The following MCF2L2 variants were observed in gnomAD, a reference collection of about 807,000 sequenced individuals.
The protein encoded by MCF2L2 is MCF.2 cell line derived transforming sequence-like 2, also known as probable guanine nucleotide exchange factor MCF2L2.
A neutral mutation model predicts 150.2 loss-of-function variants in MCF2L2; 102 were observed. The ratio of observed to expected loss-of-function variants is 0.68; its 90% CI spans 0.58 to 0.80. MCF2L2 has a LOEUF of 0.80. MCF2L2 is among the 30% of genes least tolerant of loss of function. The pLI, the probability that MCF2L2 is intolerant of heterozygous loss-of-function variation, is 0.00. For missense variants in MCF2L2, 1,256 were observed against 1,372.8 expected (o/e 0.91, Z 1.34); for synonymous variants, 465 against 491.3 (o/e 0.95, Z 0.71).
rs1716200367 is a variant in MCF2L2, at chr3:183,427,086, T to C, written c.76+816A>G. 2.0e-5 allele frequency among the ~76,000 whole-genome samples: 3 copies of C among 152,114 alleles called. No individual in the cohort carries two copies. The South Asian group carries it at 6.2e-4, about 31-fold the overall frequency. ...CAAGCACAGTCAGCAACAGAGAAAA[T>C]GATCCCGATAATTCCAGTTGCCCAC... On this transcript the variant is annotated intron_variant, in intron 1 of 29. Transcript: ENST00000328913.
intron 3 of MCF2L2, among the ~76,000 whole-genome samples, chr3:183,342,747 T>G (rs895126537): frequency 1.3e-5 from 2 of 152,006 alleles, no homozygotes; most frequent in African/African-American, 4.8e-5. Context: ...GCACTATTAT[T>G]CTTTCTTTCT....
intron 15 of MCF2L2, among the ~76,000 whole-genome samples, chr3:183,250,698 T>C (rs972380658): frequency 5.3e-5 from 8 of 150,440 alleles, no homozygotes; most frequent in Non-Finnish European, 7.4e-5. Flanking sequence ...AGGCTGCGTG[T>C]GGTGGGAGGT....
intron 15 of MCF2L2, among the ~76,000 whole-genome samples, chr3:183,239,548 G>T (rs966050258): frequency 1.3e-5 from 2 of 151,684 alleles, no homozygotes; most frequent in Non-Finnish European, 2.9e-5. Context: ...GCCCTCCTCT[G>T]CTCCCCCTTT....
At chr3:183,345,060 C>T (rs1560031830) in intron 3 of MCF2L2, among the ~76,000 whole-genome samples, 1 of 152,148 alleles carries the variant, frequency 6.6e-6, no homozygotes, top group Non-Finnish European at 1.5e-5. Context: ...AGCTCTGGAC[C>T]AAGCAGACCT....
At position 183,338,501 on chromosome 3, in the gene MCF2L2, C is replaced by T. The variant is rs920939001; in HGVS notation, c.486+299G>A. Among the ~76,000 whole-genome samples the T allele has an allele frequency of 6.1e-4, 92 of 151,684 alleles. 1 individual carries two copies. Among genetic ancestry groups the T allele is most frequent in the African/African-American group, 1.9e-3 (80 of 41,418 alleles). ...AAAGAAAACCTTCCCTGGATCCCCACTGTCTACTGAATAAAATCCAAAACC... is the reference window on the plus strand; with the variant it reads ...AAAGAAAACCTTCCCTGGATCCCCATTGTCTACTGAATAAAATCCAAAACC... On this transcript the variant is annotated intron_variant, in intron 5 of 29. Coordinates refer to ENST00000328913, the MANE Select transcript of MCF2L2 (RefSeq NM_015078.4).
At position 183,179,000 on chromosome 3, in the gene MCF2L2, G is replaced by A. The variant is rs1721412054; in HGVS notation, c.*380C>T. The A allele has an allele frequency of 5.5e-6, 1 of 183,184 alleles. No individual in the cohort carries two copies. Among genetic ancestry groups the A allele is most frequent in the Admixed American group, 6.2e-5 (1 of 16,144 alleles). The allele number at this position is 183,184 out of a possible 1,614,324, so 11.3% of individuals were successfully genotyped here. On this transcript the variant is annotated 3_prime_UTR_variant, in exon 30 of 30. Coordinates refer to ENST00000328913, the MANE Select transcript of MCF2L2 (RefSeq NM_015078.4). The stretch of plus-strand genomic sequence containing the variant: ...ACGATTTGGGGGCGGGGTGGAGGAT[G>A]GGGTGGCGCATTCCTGGCACCTAGT...
chr3:183,186,284 C>A (rs1264796987), intron 27 of MCF2L2, among the ~76,000 whole-genome samples: 3 of 152,086 alleles, frequency 2.0e-5, no homozygotes, highest in Non-Finnish European at 4.4e-5. Context: ...TGCAATGGGG[C>A]CTTACTCTTG....
intron 10 of MCF2L2, among the ~76,000 whole-genome samples, chr3:183,301,724 A>G (rs111279836): frequency 0.075 from 11,386 of 151,404 alleles, 1,075 homozygotes; most frequent in African/African-American, 0.22. Flanking sequence ...GAACCTGGGA[A>G]GAGGAGGTTG....
At chr3:183,381,501 G>T (rs1007434565) in intron 2 of MCF2L2, among the ~76,000 whole-genome samples, 8 of 152,194 alleles carry the variant, frequency 5.3e-5, no homozygotes, top group Non-Finnish European at 1.2e-4. Flanking sequence ...CAAGTAAATT[G>T]TAAACTTGTT....
intron 13 of MCF2L2, among the ~76,000 whole-genome samples, chr3:183,294,773 T>G (rs1423577793): frequency 6.6e-6 from 1 of 151,476 alleles, no homozygotes; most frequent in Non-Finnish European, 1.5e-5. Flanking sequence ...GGACTACAGG[T>G]GCCCACCACC....
At chr3:183,387,276 A>C (rs1206420080) in intron 2 of MCF2L2, among the ~76,000 whole-genome samples, 2 of 151,978 alleles carry the variant, frequency 1.3e-5, no homozygotes, top group Non-Finnish European at 2.9e-5. Context: ...AAAAAAAAAA[A>C]AAAGCAAAGA....
At position 183,206,019 on chromosome 3, in the gene MCF2L2, T is replaced by C. The variant is rs1241031660; in HGVS notation, c.2806-65A>G. 2.6e-6 allele frequency: 4 copies of C among 1,560,222 alleles called. No individual in the cohort carries two copies. The African/African-American group carries it at 5.4e-5, about 21-fold the overall frequency. ...AGTATTAATTGCAGAGTTTTTATTC[T>C]CCCAGTGACCGTTAGACTAATGAGA... On this transcript the variant is annotated intron_variant, in intron 24 of 29. Transcript: ENST00000328913.
intron 18 of MCF2L2, chr3:183,226,936 A>C (rs1723365771): frequency 6.6e-6 from 1 of 152,222 alleles, no homozygotes; most frequent in Admixed American, 6.5e-5. Flanking sequence ...ATGAGTTGAC[A>C]TGGAAAGCCA....
chr3:183,297,297 G>T, intron 11 of MCF2L2, 130 bp from the exon 12 acceptor site: 1 of 819,938 alleles, frequency 1.2e-6, no homozygotes, highest in Non-Finnish European at 1.9e-6. Flanking sequence ...TCATGGGACG[G>T]CATCGAGTTT....
intron 6 of MCF2L2, among the ~76,000 whole-genome samples, chr3:183,322,354 C>T (rs549812703): frequency 2.0e-4 from 30 of 152,168 alleles, no homozygotes; most frequent in Non-Finnish European, 3.2e-4. Flanking sequence ...GCTATTCACA[C>T]TTTGGGCCAG....
intron 1 of MCF2L2, among the ~76,000 whole-genome samples, chr3:183,423,954 G>A (rs1406565143): frequency 2.6e-5 from 4 of 152,196 alleles, no homozygotes; most frequent in Non-Finnish European, 5.9e-5. Flanking sequence ...TGGGTTTCTA[G>A]TTATTGGAAG....
chr3:183,389,115 A>C lies in MCF2L2; in HGVS notation c.160+581T>G, dbSNP rs545062029. Among the ~76,000 whole-genome samples the C allele has an allele frequency of 2.0e-4, 31 of 152,346 alleles. No homozygotes were observed. The South Asian group carries it at 5.8e-3, about 28-fold the overall frequency. Reference sequence around the variant, plus strand: ...TAGTTTTAGTAATTAAAGTCATGTCACCTTTGGCTGAGCGAATAAGAAAGA... The same window carrying C: ...TAGTTTTAGTAATTAAAGTCATGTCCCCTTTGGCTGAGCGAATAAGAAAGA... On this transcript the variant is annotated intron_variant, in intron 2 of 29. Transcript: ENST00000328913.
intron 1 of MCF2L2, among the ~76,000 whole-genome samples, chr3:183,405,167 T>C (rs1467317364): frequency 2.6e-5 from 4 of 152,166 alleles, no homozygotes; most frequent in Admixed American, 1.3e-4. Flanking sequence ...ATCTTAACTA[T>C]GTAAAAATGC....
At chr3:183,388,451 G>A (rs1713955013) in intron 2 of MCF2L2, among the ~76,000 whole-genome samples, 1 of 152,302 alleles carries the variant, frequency 6.6e-6, no homozygotes, top group African/African-American at 2.4e-5. Context: ...GTGCCTTCAG[G>A]AGGCTGGTTA....
Sources: allele counts gnomAD v4.1 joint callset (sites outside exome capture counted in the v4.1 genomes callset), GRCh38; gene constraint gnomAD v4.1.1; transcripts MANE v1.5; gene names NCBI Gene and HGNC (gene_info 2026-07-23, HGNC 2026-07-21).